The following DLG2 variants were observed in gnomAD, a reference collection of about 807,000 sequenced individuals.
DLG2 encodes disks large homolog 2.
DLG2 carries 45 observed loss-of-function variants against 132.5 expected under a neutral mutation model. That is an observed-to-expected ratio of 0.34 (90% CI 0.27 to 0.44). The LOEUF is 0.44. Among genes scored for constraint, DLG2 ranks in the 20% least tolerant of loss-of-function variants. The probability of loss-of-function intolerance (pLI) is 1.00; values close to 1 mark genes in which losing one functional copy is unlikely to be tolerated. For synonymous variants in DLG2, 424 were observed against 419.6 expected, an observed-to-expected ratio of 1.01 and a Z score of -0.13; for missense variants, 1,045 against 1,196.9, an observed-to-expected ratio of 0.87 and a Z score of 1.87.
At chr11:83,819,295 C>T (rs1038483063) in intron 17 of DLG2, among the ~76,000 whole-genome samples, 1 of 151,396 alleles carries the variant, frequency 6.6e-6, no homozygotes, top group African/African-American at 2.4e-5. Context: ...CATGGTGAAA[C>T]CCCATCTCTA....
intron 21 of DLG2, among the ~76,000 whole-genome samples, chr11:83,526,083 G>A (rs1266750601): frequency 1.3e-5 from 2 of 152,110 alleles, no homozygotes; most frequent in Admixed American, 6.6e-5. Context: ...GTTTGATTTT[G>A]GGAGTTTGCT....
At chr11:84,513,780 A>C (rs11234061) in intron 7 of DLG2, among the ~76,000 whole-genome samples, 30,850 of 148,028 alleles carry the variant, frequency 0.21, 3,277 homozygotes, top group South Asian at 0.31. Context: ...CAGGCCCCCC[A>C]AAAAAAAAAA....
chr11:85,075,700 A>C (rs1028969694), intron 6 of DLG2, among the ~76,000 whole-genome samples: 6 of 151,852 alleles, frequency 4.0e-5, no homozygotes, highest in African/African-American at 7.2e-5. Context: ...ATATACTCCC[A>C]AAAATATATA....
intron 6 of DLG2, among the ~76,000 whole-genome samples, chr11:85,008,613 TTAAA>T (rs1471766745): frequency 6.6e-6 from 1 of 152,126 alleles, no homozygotes; most frequent in African/African-American, 2.4e-5. Context: ...TCCATTTATC[TTAAA>T]TGAATGAAAC....
At chr11:85,302,190 A>G (rs946840371) in intron 3 of DLG2, among the ~76,000 whole-genome samples, 1 of 152,224 alleles carries the variant, frequency 6.6e-6, no homozygotes, top group Non-Finnish European at 1.5e-5. Flanking sequence ...TTGGACAGAC[A>G]CTACTAACAT....
intron 6 of DLG2, among the ~76,000 whole-genome samples, chr11:84,606,495 A>G (rs539924109): frequency 2.0e-5 from 3 of 152,174 alleles, no homozygotes; most frequent in Non-Finnish European, 2.9e-5. Context: ...TATATTAAGC[A>G]TGCATGGTAT....
intron 11 of DLG2, among the ~76,000 whole-genome samples, chr11:84,028,566 G>T (rs1385160551): frequency 6.6e-6 from 1 of 152,028 alleles, no homozygotes; most frequent in African/African-American, 2.4e-5. Flanking sequence ...TGATAAAAAG[G>T]TTTGCTGGGT....
chr11:85,590,191 A>G (rs1267303850), intron 3 of DLG2, among the ~76,000 whole-genome samples: 1 of 152,102 alleles, frequency 6.6e-6, no homozygotes, highest in East Asian at 1.9e-4. Flanking sequence ...GATCAAATGT[A>G]TTTTTTCAAA....
At chr11:84,921,194 T>G (rs1472497986) in intron 6 of DLG2, among the ~76,000 whole-genome samples, 1 of 152,164 alleles carries the variant, frequency 6.6e-6, no homozygotes, top group African/African-American at 2.4e-5. Context: ...GCAAACTCTT[T>G]GGCAAAACTT....
At chr11:85,395,820 C>T (rs2087296353) in intron 3 of DLG2, among the ~76,000 whole-genome samples, 1 of 152,240 alleles carries the variant, frequency 6.6e-6, no homozygotes, top group Admixed American at 6.5e-5. Context: ...CTATCGATTC[C>T]ACTTCTAAGG....
chr11:85,481,477 T>G (rs2093287817), intron 3 of DLG2, among the ~76,000 whole-genome samples: 1 of 152,156 alleles, frequency 6.6e-6, no homozygotes, highest in Admixed American at 6.5e-5. Context: ...ATTACCCATT[T>G]CACCCAACTC....
chr11:85,309,988 G>C (rs907947623), intron 3 of DLG2, among the ~76,000 whole-genome samples: 8 of 152,162 alleles, frequency 5.3e-5, no homozygotes, highest in Non-Finnish European at 8.8e-5. Flanking sequence ...CAGTCTCTCA[G>C]ATGCTGATAC....
chr11:85,586,735 T>C (rs957189736), intron 3 of DLG2, among the ~76,000 whole-genome samples: 1 of 152,130 alleles, frequency 6.6e-6, no homozygotes, highest in Non-Finnish European at 1.5e-5. Context: ...TTTTTTCTGT[T>C]AGGTTTGGGT....
intron 6 of DLG2, among the ~76,000 whole-genome samples, chr11:84,680,078 C>T (rs77718053): frequency 0.023 from 3,452 of 152,142 alleles, 141 homozygotes; most frequent in African/African-American, 0.077. Context: ...CAACTCTTCA[C>T]TTCTTTATAC....
chr11:84,036,277 C>G (rs2154098539), intron 11 of DLG2, among the ~76,000 whole-genome samples: 1 of 152,214 alleles, frequency 6.6e-6, no homozygotes, highest in Admixed American at 6.5e-5. Flanking sequence ...TATATCGTCA[C>G]AGATAAATCT....
At chr11:84,762,506 G>C (rs2067774997) in intron 6 of DLG2, among the ~76,000 whole-genome samples, 3 of 152,162 alleles carry the variant, frequency 2.0e-5, no homozygotes, top group Admixed American at 2.0e-4. Context: ...GTCAGAGGGA[G>C]ATAAAGGCAA....
chr11:84,021,988 C>T (rs927963462), intron 11 of DLG2, among the ~76,000 whole-genome samples: 3 of 152,160 alleles, frequency 2.0e-5, no homozygotes, highest in African/African-American at 7.2e-5. Context: ...CTCAGATGAT[C>T]TGCCCGCCTC....
At chr11:85,088,286 T>C (rs766359015) in intron 6 of DLG2, among the ~76,000 whole-genome samples, 2 of 152,112 alleles carry the variant, frequency 1.3e-5, no homozygotes, top group Admixed American at 6.5e-5. Context: ...TCCCAAGAAA[T>C]GAAGGTAATC....
chr11:84,620,631 T>A, intron 6 of DLG2, among the ~76,000 whole-genome samples: 1 of 152,084 alleles, frequency 6.6e-6, no homozygotes, highest in African/African-American at 2.4e-5. Context: ...TTTTAAAACC[T>A]CAATAGTATT....
Sources: allele counts gnomAD v4.1 joint callset (sites outside exome capture counted in the v4.1 genomes callset), GRCh38; gene constraint gnomAD v4.1.1; transcripts MANE v1.5; gene names NCBI Gene and HGNC (gene_info 2026-07-23, HGNC 2026-07-21).